The following DDA1 variants were observed in gnomAD, a reference collection of about 807,000 sequenced individuals.
DDA1 encodes the protein DET1- and DDB1-associated protein 1.
A neutral mutation model predicts 18.6 loss-of-function variants in DDA1; 3 were observed. The ratio of observed to expected loss-of-function variants is 0.16; its 90% confidence interval spans 0.07 to 0.42. The LOEUF is 0.42. Ranked by LOEUF, DDA1 falls within the 10% of genes least tolerant of loss-of-function variation. The pLI is 0.99. For missense variants in DDA1, 105 were observed against 138.2 expected (o/e 0.76, Z 1.20); for synonymous variants, 52 against 54.0 (o/e 0.96, Z 0.17).
At chr19:17,315,404 A>G in intron 3 of DDA1, among the ~76,000 whole-genome samples, 1 of 85,136 alleles carries the variant, frequency 1.2e-5, no homozygotes, top group East Asian at 2.3e-4. Context: ...CTATATATAT[A>G]CATACGTGTG....
At position 17,314,486 on chromosome 19, in the gene DDA1, C is replaced by G. The variant is rs919099016; in HGVS notation, c.136+97C>G. On this transcript the variant is annotated intron_variant, in intron 3 of 4. Coordinates refer to ENST00000359866, the MANE Select transcript of DDA1 (RefSeq NM_024050.6). This position sits in a 1 kb window ranked among gnomAD's most constrained non-coding sequence, Gnocchi z 4.6. ...GCGGAGGTTATCTTCAACCCCGGCC[C>G]AGGCCATAGACTTGGCTTGGGTTCA... 2 of 1,521,448 alleles carry G rather than the reference C, an allele frequency of 1.3e-6. No homozygotes were observed. Among genetic ancestry groups the G allele is most frequent in the African/African-American group, 2.7e-5 (2 of 73,040 alleles). 94.2% of individuals were successfully genotyped at this position (1,521,448 alleles called of 1,614,324 possible).
intron 1 of DDA1, among the ~76,000 whole-genome samples, chr19:17,310,661 G>A (rs75146030): frequency 0.057 from 8,665 of 152,248 alleles, 382 homozygotes; most frequent in Non-Finnish European, 0.081. Context: ...TGGTGGGGAT[G>A]AAAGGAAGAC....
At chr19:17,310,606 C>T (rs559847103) in intron 1 of DDA1, among the ~76,000 whole-genome samples, 61 of 152,278 alleles carry the variant, frequency 4.0e-4, no homozygotes, top group African/African-American at 1.4e-3. Flanking sequence ...TCTCCTTTGT[C>T]CCCTGACCCA....
intron 3 of DDA1, 159 bp from the exon 4 acceptor site, chr19:17,315,775 T>C: frequency 2.8e-6 from 2 of 706,342 alleles, no homozygotes; most frequent in Non-Finnish European, 5.0e-6. Context: ...CCTCTGGGAG[T>C]AGCTGCGAGT....
At chr19:17,319,502 CG>C (rs774010024) in intron 4 of DDA1, 43 bp from the exon 5 acceptor site, 13 of 1,513,934 alleles carry the variant, frequency 8.6e-6, no homozygotes, top group East Asian at 4.9e-5. Context: ...TGAGGCTGTC[CG>C]AAAAAAAAGA....
rs1162460211 is a variant in DDA1 at position 17,316,719 on chromosome 19, C to CA, written c.198+733dup. On this transcript the variant is annotated intron_variant, in intron 4 of 4. Coordinates refer to ENST00000359866, the MANE Select transcript of DDA1 (RefSeq NM_024050.6). ...AAAACCCTGTCTCTACTAAAAAATA[C>CA]AAAAAAAAATTAGCCAGGTATGCTG... Among the ~76,000 whole-genome samples, 5 of 146,790 alleles carry CA rather than the reference C, an allele frequency of 3.4e-5. 1 individual carries two copies. Among genetic ancestry groups the CA allele is most frequent in the South Asian group, 4.3e-4 (2 of 4,602 alleles).
intron 3 of DDA1, among the ~76,000 whole-genome samples, chr19:17,315,125 A>G (rs1599534464): frequency 2.2e-5 from 2 of 90,234 alleles, no homozygotes; most frequent in East Asian, 4.6e-4. Flanking sequence ...ACACACGTAT[A>G]TATACACACA....
chr19:17,319,645 G>A lies in DDA1; in HGVS notation c.298G>A (p.Glu100Lys). ...VARTDSPDMH[E>K]DT The stretch of plus-strand genomic sequence containing the variant: ...GCGGACCGACAGCCCAGACATGCAC[G>A]AGGACACTTAAGACTCTCAACTCCA... The change falls in exon 5 of 5, where the codon GAG (glutamate) becomes AAG (lysine). Residue 100 changes from glutamate (E) to lysine (K), a missense_variant. By Grantham distance (56) the Glu-to-Lys change is moderately conservative. This residue lies in a region of DDA1 where 62 missense variants were observed against 55.8 expected (regional missense o/e 1.11). Transcript: ENST00000359866. The A allele has an allele frequency of 6.4e-7, 1 of 1,570,206 alleles. No individual in the cohort carries two copies. The highest frequency in any genetic ancestry group is 8.6e-7 in the Non-Finnish European group (1 of 1,157,566).
Position 17,314,100 on chromosome 19 carries a change from C to T in DDA1, c.81C>T (p.Ala27=), listed in dbSNP as rs910962893. The T allele has an allele frequency of 2.5e-6, 4 of 1,614,006 alleles. No individual in the cohort carries two copies. Residue 27 remains alanine, a synonymous_variant, in exon 2 of 5, where the codon GCC becomes GCT. Transcript: ENST00000359866. This position sits in a 1 kb window ranked among gnomAD's most constrained non-coding sequence, Gnocchi z 4.6. ...TTCACGCGGACTCCGTGTGCAAAGC[C>T]TCGGTGAGTGCGTGTTCCTGGGACT... ...SRFHADSVCK[A]SNRRPSVYLP...
rs942431459 is a variant in DDA1, at chr19:17,320,391, G to A, written c.*735G>A. The A allele has an allele frequency of 1.3e-5, 2 of 152,208 alleles. No homozygotes were observed. Among genetic ancestry groups the A allele is most frequent in the East Asian group, 1.9e-4 (1 of 5,202 alleles). 9.4% of individuals were successfully genotyped at this position (152,208 alleles called of 1,614,324 possible). A position where few individuals can be genotyped will look rare whatever the true frequency, so the allele number is the denominator to read the frequency against. ...AAGAGGAGTGAGAAGGGCCCCCCAC[G>A]CCAGGGGCCCCAGGACCGGCTGGAT... On this transcript the variant is annotated 3_prime_UTR_variant, in exon 5 of 5. Transcript: ENST00000359866.
rs893579101 is a variant in DDA1, at chr19:17,320,170, C to T, written c.*514C>T. 2.0e-5 allele frequency: 3 copies of T among 153,408 alleles called. No individual in the cohort carries two copies. Among genetic ancestry groups the T allele is most frequent in the African/African-American group, 7.2e-5 (3 of 41,492 alleles). The allele number at this position is 153,408 out of a possible 1,614,324, so 9.5% of individuals were successfully genotyped here. On this transcript the variant is annotated 3_prime_UTR_variant, in exon 5 of 5. Coordinates refer to ENST00000359866, the MANE Select transcript of DDA1 (RefSeq NM_024050.6). The stretch of plus-strand genomic sequence containing the variant: ...CCGGAACTTTCCCATGCCCAGGCCT[C>T]ACTCAGCGTGCACGCACGTTGGGGA...
At chr19:17,313,495 T>C (rs555642980) in intron 1 of DDA1, among the ~76,000 whole-genome samples, 2 of 137,728 alleles carry the variant, frequency 1.5e-5, no homozygotes, top group Non-Finnish European at 3.0e-5. Context: ...CAGGCTGGAG[T>C]GTAGTAGCAC....
In DDA1 at chr19:17,309,645, G is replaced by A. The variant is rs2074168997; in HGVS notation, c.-10G>A. 1 of 1,613,036 alleles carries A rather than the reference G, an allele frequency of 6.2e-7. No homozygotes were observed. Among genetic ancestry groups the A allele is most frequent in the Non-Finnish European group, 8.5e-7 (1 of 1,179,410 alleles). The stretch of plus-strand genomic sequence containing the variant: ...GGCGGCGGCCGAGGCGGCGACGGAG[G>A]AAACAGAAGATGGTGAGGATGGCCT... On this transcript the variant is annotated 5_prime_UTR_variant, in exon 1 of 5. Coordinates refer to ENST00000359866, the MANE Select transcript of DDA1 (RefSeq NM_024050.6).
intron 3 of DDA1, among the ~76,000 whole-genome samples, chr19:17,315,283 ACAC>A: frequency 2.1e-5 from 1 of 48,686 alleles, no homozygotes; most frequent in Non-Finnish European, 4.4e-5. Flanking sequence ...GTATATACAC[ACAC>A]TATATATATA....
chr19:17,309,966 C>CT (rs2074171535), intron 1 of DDA1, among the ~76,000 whole-genome samples: 1 of 152,124 alleles, frequency 6.6e-6, no homozygotes, highest in Non-Finnish European at 1.5e-5. Flanking sequence ...CGTAAGACCC[C>CT]CTGGTCTGGC....
Position 17,309,577 on chromosome 19 carries a change from C to A in DDA1, c.-78C>A. ...GCCGTGGCTGGAAGTTACTGTGAGGCGGCGGCTAAGAAGGCGGCTCTGGTG... is the reference window on the plus strand; with the variant it reads ...GCCGTGGCTGGAAGTTACTGTGAGGAGGCGGCTAAGAAGGCGGCTCTGGTG... On this transcript the variant is annotated 5_prime_UTR_variant, in exon 1 of 5. Transcript: ENST00000359866. 6.9e-7 allele frequency: 1 copy of A among 1,449,342 alleles called. No individual in the cohort carries two copies. The highest frequency in any genetic ancestry group is 1.4e-5 in the African/African-American group (1 of 71,892). The allele number at this position is 1,449,342 out of a possible 1,614,324, so 89.8% of individuals were successfully genotyped here.
intron 1 of DDA1, among the ~76,000 whole-genome samples, chr19:17,313,572 A>C (rs2074189000): frequency 1.3e-5 from 2 of 150,864 alleles, no homozygotes; most frequent in Non-Finnish European, 2.9e-5. Context: ...CCTCCCGAGT[A>C]GCTGGGATCA....
intron 1 of DDA1, 35 bp downstream of exon 1, chr19:17,309,692 G>C (rs777924018): frequency 1.9e-6 from 3 of 1,608,154 alleles, no homozygotes; most frequent in Non-Finnish European, 2.5e-6. Flanking sequence ...CTCCCCCTCT[G>C]CTAGACAAAA....
intron 4 of DDA1, among the ~76,000 whole-genome samples, chr19:17,316,386 C>T (rs146181603): frequency 1.9e-3 from 286 of 151,538 alleles, no homozygotes; most frequent in African/African-American, 6.8e-3. Context: ...TCGAGACCAT[C>T]GTGGCCAACA....
Sources: gnomAD v4.1 joint callset for allele counts (sites outside exome capture counted in the v4.1 genomes callset) on GRCh38, gnomAD v4.1.1 for gene constraint, gnomAD v4.1.1 regional missense constraint, Gnocchi (gnomAD v3.1) non-coding constraint, MANE v1.5 for transcripts, NCBI Gene and HGNC (gene_info 2026-07-23, HGNC 2026-07-21) for gene names.